PEX3: variants seen among roughly 807,000 people sequenced by gnomAD.
PEX3 encodes the protein peroxin-3.
In PEX3, 30 loss-of-function variants were observed where a neutral mutation model predicts 55.8. The observed-to-expected ratio is 0.54, with a 90% CI of 0.40 to 0.73. The LOEUF (loss-of-function observed/expected upper bound fraction) is 0.73. Ranked by LOEUF, PEX3 falls within the 30% of genes least tolerant of loss-of-function variation. The pLI is 0.00. For missense variants in PEX3, 351 were observed against 432.8 expected, an observed-to-expected ratio of 0.81 and a Z score of 1.68; for synonymous variants, 135 against 148.4, an observed-to-expected ratio of 0.91 and a Z score of 0.66.
At chr6:143,481,686 C>A (rs541127863) in intron 10 of PEX3, among the ~76,000 whole-genome samples, 5 of 151,738 alleles carry the variant, frequency 3.3e-5, no homozygotes, top group South Asian at 2.1e-4. Context: ...ATGGATAAAA[C>A]CTCTTACTAG....
At position 143,472,265 on chromosome 6, in the gene PEX3, T is replaced by C. The variant is rs1780085569; in HGVS notation, c.684T>C (p.Asp228=). Residue 228 remains aspartate, a synonymous_variant, in exon 8 of 12, where the codon GAT becomes GAC. Transcript: ENST00000367591. ...QHKSSSWINK[D]GSKPLLCHYM... Reference sequence around the variant, plus strand: ...AGTCTTCTTCTTGGATTAATAAAGATGGATCCAAACCTTTATTATGCCATT... The same window carrying C: ...AGTCTTCTTCTTGGATTAATAAAGACGGATCCAAACCTTTATTATGCCATT... 4.4e-6 allele frequency: 7 copies of C among 1,609,174 alleles called. No individual in the cohort carries two copies. Among genetic ancestry groups the C allele is most frequent in the Admixed American group, 3.3e-5 (2 of 59,988 alleles).
rs1302486631 is a variant in PEX3 at position 143,483,006 on chromosome 6, T to C, written c.942-2146T>C. Among the ~76,000 whole-genome samples the C allele has an allele frequency of 2.0e-5, 3 of 152,112 alleles. No homozygotes were observed. The East Asian group carries it at 5.8e-4, about 29-fold the overall frequency. ...TCATCAATATTAAATGCAAATAATA[T>C]ACAGGAGGAAATGTTTGCTCTCTTT... On this transcript the variant is annotated intron_variant, in intron 10 of 11. Coordinates refer to ENST00000367591, the MANE Select transcript of PEX3 (RefSeq NM_003630.3). This position sits in a 1 kb window ranked among gnomAD's most constrained non-coding sequence, Gnocchi z 4.3.
rs911689798 is a variant in PEX3, at chr6:143,476,799, A to G, written c.818+1943A>G. On this transcript the variant is annotated intron_variant, in intron 9 of 11. Coordinates refer to ENST00000367591, the MANE Select transcript of PEX3 (RefSeq NM_003630.3). This position sits in a 1 kb window ranked among gnomAD's most constrained non-coding sequence, Gnocchi z 5.4. The stretch of plus-strand genomic sequence containing the variant: ...AGTCTGGAATTCAAGTTAGTTTACA[A>G]ATATAATGTTGGGAGTCATCACTTT... Among the ~76,000 whole-genome samples the G allele has an allele frequency of 6.6e-6, 1 of 152,188 alleles. No homozygotes were observed. The highest frequency in any genetic ancestry group is 2.4e-5 in the African/African-American group (1 of 41,442).
chr6:143,481,410 C>T (rs959621365), intron 10 of PEX3, among the ~76,000 whole-genome samples: 9 of 151,656 alleles, frequency 5.9e-5, no homozygotes, highest in African/African-American at 2.2e-4. Flanking sequence ...CTTCATTTTC[C>T]AGGTGAGGAG....
In PEX3 at chr6:143,462,893, TA is replaced by T. The variant is rs750030199; in HGVS notation, c.206-22del. The T allele has an allele frequency of 6.6e-6, 10 of 1,512,816 alleles. No homozygotes were observed. Among genetic ancestry groups the T allele is most frequent in the Middle Eastern group, 1.7e-4 (1 of 5,910 alleles). The allele number at this position is 1,512,816 out of a possible 1,614,324, so 93.7% of individuals were successfully genotyped here. ...CAGTCATATCACTTGTGACCTTTTT[TA>T]TTTTTTTTGTTTGTATTACAGTGCT... is the stretch of plus-strand genomic sequence containing the variant. On this transcript the variant is annotated intron_variant, in intron 2 of 11. Transcript: ENST00000367591. The surrounding 1 kb of genome is among the most constrained non-coding windows in gnomAD (Gnocchi z 4.1).
chr6:143,480,038 T>A (rs372695707), intron 10 of PEX3, among the ~76,000 whole-genome samples: 24 of 152,256 alleles, frequency 1.6e-4, no homozygotes, highest in African/African-American at 5.5e-4. Context: ...AATTCTTAAA[T>A]ACATAGGGCC....
In PEX3 at chr6:143,459,023, T is replaced by TA; in HGVS notation, c.74-57dup. 1 of 1,145,220 alleles carries TA rather than the reference T, an allele frequency of 8.7e-7. No individual in the cohort carries two copies. Among genetic ancestry groups the TA allele is most frequent in the Non-Finnish European group, 1.3e-6 (1 of 763,220 alleles). 70.9% of individuals were successfully genotyped at this position (1,145,220 alleles called of 1,614,324 possible). ...AAACTTATAATTGCATAAAGTAGGT[T>TA]AAAAATACTGTGTAGAATTTTTGGT... On this transcript the variant is annotated intron_variant, in intron 1 of 11. Transcript: ENST00000367591. This position sits in a 1 kb window ranked among gnomAD's most constrained non-coding sequence, Gnocchi z 4.2.
At position 143,458,749 on chromosome 6, in the gene PEX3, A is replaced by G. The variant is rs1435756163; in HGVS notation, c.74-336A>G. Among the ~76,000 whole-genome samples the G allele has an allele frequency of 7.2e-5, 11 of 152,214 alleles. No individual in the cohort carries two copies. The highest frequency in any genetic ancestry group is 7.2e-4 in the Admixed American group (11 of 15,286). On this transcript the variant is annotated intron_variant, in intron 1 of 11. Coordinates refer to ENST00000367591, the MANE Select transcript of PEX3 (RefSeq NM_003630.3). The surrounding 1 kb of genome is among the most constrained non-coding windows in gnomAD (Gnocchi z 6.1). Reference sequence around the variant, plus strand: ...TAATAACTACATAAGATTTCGTTGTATGGCTAGACTATCATTTATTTAAAC... The same window carrying G: ...TAATAACTACATAAGATTTCGTTGTGTGGCTAGACTATCATTTATTTAAAC...
Position 143,459,288 on chromosome 6 carries a change from C to A in PEX3, c.205+72C>A. 2 of 1,322,486 alleles carry A rather than the reference C, an allele frequency of 1.5e-6. No homozygotes were observed. Among genetic ancestry groups the A allele is most frequent in the Non-Finnish European group, 2.2e-6 (2 of 917,820 alleles). The allele number at this position is 1,322,486 out of a possible 1,614,324, so 81.9% of individuals were successfully genotyped here. On this transcript the variant is annotated intron_variant, in intron 2 of 11. Coordinates refer to ENST00000367591, the MANE Select transcript of PEX3 (RefSeq NM_003630.3). The surrounding 1 kb of genome is among the most constrained non-coding windows in gnomAD (Gnocchi z 4.2). ...GTATTAATTTGCATATCACCGGGAT[C>A]AAATTTAGAGGAAAAGGCAAAGAAA...
chr6:143,479,877 C>T lies in PEX3; in HGVS notation c.941+679C>T, dbSNP rs1162982565. Among the ~76,000 whole-genome samples the T allele has an allele frequency of 9.9e-5, 15 of 151,928 alleles. No individual in the cohort carries two copies. The highest frequency in any genetic ancestry group is 2.6e-4 in the Admixed American group (4 of 15,244). On this transcript the variant is annotated intron_variant, in intron 10 of 11. Transcript: ENST00000367591. The surrounding 1 kb of genome is among the most constrained non-coding windows in gnomAD (Gnocchi z 4.6). The stretch of plus-strand genomic sequence containing the variant: ...CTATTTTGCAGTTTTTTATGTCAAA[C>T]TCGGAAAATAATGGGTACTAAATTA...
chr6:143,474,071 G>C (rs1449330813), intron 8 of PEX3, among the ~76,000 whole-genome samples: 1 of 151,984 alleles, frequency 6.6e-6, no homozygotes, highest in Non-Finnish European at 1.5e-5. Flanking sequence ...GTTCGAGGTT[G>C]CCTAAGCTAT....
At chr6:143,461,133 A>G (rs2128745684) in intron 2 of PEX3, among the ~76,000 whole-genome samples, 2 of 152,326 alleles carry the variant, frequency 1.3e-5, no homozygotes, top group South Asian at 4.1e-4. Flanking sequence ...AGGCAAGAAG[A>G]GTCTCAGACT....
In PEX3 at chr6:143,479,894, A is replaced by C. The variant is rs529970958; in HGVS notation, c.941+696A>C. Among the ~76,000 whole-genome samples, 1 of 152,246 alleles carries C rather than the reference A, an allele frequency of 6.6e-6. No individual in the cohort carries two copies. The highest frequency in any genetic ancestry group is 2.1e-4 in the South Asian group (1 of 4,826). ...ATGTCAAACTCGGAAAATAATGGGT[A>C]CTAAATTAATGTTGACTGACTGTAA... On this transcript the variant is annotated intron_variant, in intron 10 of 11. Transcript: ENST00000367591. The surrounding 1 kb of genome is among the most constrained non-coding windows in gnomAD (Gnocchi z 4.6).
Position 143,471,479 on chromosome 6 carries a change from A to G in PEX3, c.523+30A>G. 1 of 1,563,788 alleles carries G rather than the reference A, an allele frequency of 6.4e-7. No homozygotes were observed. The highest frequency in any genetic ancestry group is 8.8e-7 in the Non-Finnish European group (1 of 1,135,138). ...GATTCTTATTTGTGACTTTTATACT[A>G]ATTTTAATTCATTTATTTTTATTAT... On this transcript the variant is annotated intron_variant, in intron 6 of 11. Coordinates refer to ENST00000367591, the MANE Select transcript of PEX3 (RefSeq NM_003630.3). This position sits in a 1 kb window ranked among gnomAD's most constrained non-coding sequence, Gnocchi z 5.4.
Sources: gnomAD v4.1 joint callset for allele counts (sites outside exome capture counted in the v4.1 genomes callset) on GRCh38, gnomAD v4.1.1 for gene constraint, Gnocchi (gnomAD v3.1) non-coding constraint, MANE v1.5 for transcripts, NCBI Gene and HGNC (gene_info 2026-07-23, HGNC 2026-07-21) for gene names.